Variants in ROBO2 observed in about 807,000 individuals in gnomAD.
ROBO2 encodes the protein roundabout guidance receptor 2.
In ROBO2, 53 loss-of-function variants were observed where a neutral mutation model predicts 160.8. That is an observed-to-expected ratio of 0.33 (90% CI 0.26 to 0.41). The LOEUF is 0.41. Ranked by LOEUF, ROBO2 falls within the 10% of genes least tolerant of loss-of-function variation. The probability of loss-of-function intolerance (pLI) is 1.00; values close to 1 mark genes in which losing one functional copy is unlikely to be tolerated. For synonymous variants in ROBO2, 664 were observed against 611.7 expected (o/e 1.09, Z -1.26); for missense variants, 1,577 against 1,722.4 (o/e 0.92, Z 1.49).
chr3:76,615,072 A>G (rs1423355485), intron 2 of ROBO2, among the ~76,000 whole-genome samples: 2 of 152,158 alleles, frequency 1.3e-5, no homozygotes, highest in Non-Finnish European at 2.9e-5. Context: ...ATAGGAAATT[A>G]AACTGAAATT....
intron 2 of ROBO2, among the ~76,000 whole-genome samples, chr3:77,333,468 A>C (rs1030786297): frequency 6.6e-6 from 1 of 152,196 alleles, no homozygotes; most frequent in African/African-American, 2.4e-5. Flanking sequence ...TATGTGAATA[A>C]AAATATATGC....
chr3:77,476,343 T>C (rs913063373), intron 2 of ROBO2, among the ~76,000 whole-genome samples: 3 of 151,498 alleles, frequency 2.0e-5, no homozygotes, highest in African/African-American at 4.9e-5. Flanking sequence ...TTCAAACAGC[T>C]TGATGTGTGC....
At chr3:77,128,981 T>C (rs982713247) in intron 2 of ROBO2, among the ~76,000 whole-genome samples, 5 of 152,180 alleles carry the variant, frequency 3.3e-5, no homozygotes, top group African/African-American at 1.2e-4. Context: ...ATAATTTTAC[T>C]TTTTATTTCT....
intron 2 of ROBO2, among the ~76,000 whole-genome samples, chr3:76,901,310 A>T (rs1169109725): frequency 6.6e-6 from 1 of 152,092 alleles, no homozygotes; most frequent in African/African-American, 2.4e-5. Context: ...CCCAGGCAAG[A>T]ATTTCGAAAT....
chr3:77,115,534 T>C (rs2074112131), intron 2 of ROBO2, among the ~76,000 whole-genome samples: 1 of 152,210 alleles, frequency 6.6e-6, no homozygotes, highest in African/African-American at 2.4e-5. Flanking sequence ...TTGTGAATAT[T>C]AGCCCTTTCT....
At chr3:77,624,299 G>A (rs1019078951) in intron 23 of ROBO2, among the ~76,000 whole-genome samples, 2 of 151,954 alleles carry the variant, frequency 1.3e-5, no homozygotes, top group African/African-American at 4.8e-5. Flanking sequence ...GCTTTCTATG[G>A]TATGTGAGTA....
intron 2 of ROBO2, among the ~76,000 whole-genome samples, chr3:77,265,004 C>A (rs2059035872): frequency 6.6e-6 from 1 of 151,964 alleles, no homozygotes; most frequent in South Asian, 2.1e-4. Context: ...TGATGATTGC[C>A]CATTTTGCTA....
At chr3:76,414,132 CCCA>C (rs2075636674) in intron 2 of ROBO2, among the ~76,000 whole-genome samples, 1 of 150,576 alleles carries the variant, frequency 6.6e-6, no homozygotes, top group Non-Finnish European at 1.5e-5. Context: ...AAGAACAGCC[CCCA>C]TGATTCAATT....
chr3:77,557,801 G>C, intron 8 of ROBO2, 143 bp from the exon 10 acceptor site: 1 of 681,214 alleles, frequency 1.5e-6, no homozygotes, highest in African/African-American at 1.8e-5. Flanking sequence ...GAATATACAT[G>C]ACCAAGAATA....
rs540168643 is a variant in ROBO2 at position 77,326,849 on chromosome 3, G to C, written c.389-150565G>C. Among the ~76,000 whole-genome samples the C allele has an allele frequency of 9.2e-5, 14 of 152,212 alleles. No homozygotes were observed. The South Asian group carries it at 2.9e-3, about 32-fold the overall frequency. On this transcript the variant is annotated intron_variant, in intron 2 of 25. Coordinates refer to ENST00000461745, the Ensembl canonical transcript of ROBO2. Reference sequence around the variant, plus strand: ...AAGTCTCCCTGGTGGAGCTGTGGACGTACCTTTCATTTGTTGTTTTTCTTC... The same window carrying C: ...AAGTCTCCCTGGTGGAGCTGTGGACCTACCTTTCATTTGTTGTTTTTCTTC...
chr3:77,317,846 G>A (rs1464769955), intron 2 of ROBO2, among the ~76,000 whole-genome samples: 1 of 46,576 alleles, frequency 2.1e-5, no homozygotes, highest in Admixed American at 2.5e-4. Context: ...CTGCTAGGGG[G>A]CTGCTGGGGG....
chr3:77,088,963 CA>C (rs1475554430), intron 1 of ROBO2, among the ~76,000 whole-genome samples: 1 of 152,074 alleles, frequency 6.6e-6, no homozygotes, highest in Non-Finnish European at 1.5e-5. Flanking sequence ...ATGTGACAGC[CA>C]TAAAGAGTAT....
At chr3:76,272,752 T>TA (rs1416904335) in intron 2 of ROBO2, among the ~76,000 whole-genome samples, 10 of 53,560 alleles carry the variant, frequency 1.9e-4, no homozygotes, top group Non-Finnish European at 3.3e-4. Context: ...TCTCTATATA[T>TA]AAATATATAA....
At chr3:77,056,803 T>C (rs2065794561) in intron 1 of ROBO2, among the ~76,000 whole-genome samples, 1 of 152,052 alleles carries the variant, frequency 6.6e-6, no homozygotes, top group Admixed American at 6.6e-5. Flanking sequence ...GTTTTATAAA[T>C]CAAGGAATTG....
chr3:77,058,230 A>G (rs916408611), intron 1 of ROBO2, among the ~76,000 whole-genome samples: 1 of 152,212 alleles, frequency 6.6e-6, no homozygotes, highest in Non-Finnish European at 1.5e-5. Context: ...CTTGATAGCC[A>G]TCTAGTTTTA....
intron 2 of ROBO2, among the ~76,000 whole-genome samples, chr3:76,737,232 T>C (rs1347155093): frequency 1.3e-5 from 2 of 152,156 alleles, no homozygotes; most frequent in Non-Finnish European, 2.9e-5. Context: ...ATGTTTGCAT[T>C]ATTTTATAGT....
chr3:77,064,896 A>T (rs1248462700), intron 1 of ROBO2, among the ~76,000 whole-genome samples: 1 of 152,162 alleles, frequency 6.6e-6, no homozygotes, highest in Non-Finnish European at 1.5e-5. Context: ...CATAAGGTTG[A>T]TGGCCACCAA....
intron 2 of ROBO2, among the ~76,000 whole-genome samples, chr3:76,698,613 T>G (rs1032759497): frequency 1.3e-5 from 2 of 152,200 alleles, no homozygotes; most frequent in Non-Finnish European, 2.9e-5. Flanking sequence ...ATTTGAACCC[T>G]GGTTGAAAGT....
chr3:77,090,600 C>T (rs560220842), intron 1 of ROBO2, among the ~76,000 whole-genome samples: 14 of 151,758 alleles, frequency 9.2e-5, no homozygotes, highest in African/African-American at 1.5e-4. Flanking sequence ...GTGATCTGCC[C>T]GCCTCGGCCT....
Sources: gnomAD v4.1 joint callset for allele counts (sites outside exome capture counted in the v4.1 genomes callset) on GRCh38, gnomAD v4.1.1 for gene constraint, MANE v1.5 for transcripts, NCBI Gene and HGNC (gene_info 2026-07-23, HGNC 2026-07-21) for gene names.